SAP30BP: variants seen among roughly 807,000 people sequenced by gnomAD.
SAP30BP encodes the protein SAP30 binding protein.
In SAP30BP, 31 loss-of-function variants were observed where a neutral mutation model predicts 46.3. That is an observed-to-expected ratio of 0.67 (90% CI 0.50 to 0.90). The LOEUF is 0.90. SAP30BP is among the 40% of genes least tolerant of loss of function. SAP30BP has a pLI of 0.00. For synonymous variants in SAP30BP, 169 were observed against 144.2 expected (o/e 1.17, Z -1.23); for missense variants, 312 against 391.0 (o/e 0.80, Z 1.70).
intron 3 of SAP30BP, among the ~76,000 whole-genome samples, chr17:75,678,463 A>AACACACACACACACACAC (rs59943167): frequency 6.8e-6 from 1 of 147,534 alleles, no homozygotes; most frequent in Admixed American, 6.8e-5. Flanking sequence ...CACAATTTAA[A>AACACACACACACACACAC]ACACACACAC....
At chr17:75,670,066 G>C (rs2059885993) in intron 2 of SAP30BP, among the ~76,000 whole-genome samples, 1 of 152,176 alleles carries the variant, frequency 6.6e-6, no homozygotes. Flanking sequence ...GCTCATGCCT[G>C]TAATCCCAGC....
intron 9 of SAP30BP, 137 bp downstream of exon 9, chr17:75,704,951 G>A: frequency 1.4e-6 from 1 of 719,386 alleles, no homozygotes; most frequent in Non-Finnish European, 2.5e-6. Flanking sequence ...GAGCCTCTCA[G>A]CAGGGCCTGT....
In SAP30BP at chr17:75,704,634, A is replaced by G. The variant is rs1224118728; in HGVS notation, c.602-122A>G. ...GGGCTGGCTTCATTTTGCCAAGCAC[A>G]AAGAACACTGAGCCCATGAAGGCCT... is the stretch of plus-strand genomic sequence containing the variant. On this transcript the variant is annotated intron_variant, in intron 8 of 10. Coordinates refer to ENST00000584667, the MANE Select transcript of SAP30BP (RefSeq NM_013260.8). The G allele has an allele frequency of 3.3e-5, 26 of 778,182 alleles. No homozygotes were observed. The Admixed American group carries it at 3.4e-4, about 10-fold the overall frequency. The allele number at this position is 778,182 out of a possible 1,614,324, so 48.2% of individuals were successfully genotyped here.
At chr17:75,683,369 A>T (rs2060113150) in intron 3 of SAP30BP, among the ~76,000 whole-genome samples, 1 of 151,836 alleles carries the variant, frequency 6.6e-6, no homozygotes, top group Non-Finnish European at 1.5e-5. Flanking sequence ...AATAATAATA[A>T]TTTTTTAAAT....
At chr17:75,674,158 G>A (rs534071803) in intron 3 of SAP30BP, among the ~76,000 whole-genome samples, 1 of 152,178 alleles carries the variant, frequency 6.6e-6, no homozygotes, top group South Asian at 2.1e-4. Context: ...CCCAGCATGA[G>A]TCTTCTGTGA....
chr17:75,692,993 C>A (rs2060261911), intron 3 of SAP30BP: 1 of 154,772 alleles, frequency 6.5e-6, no homozygotes, highest in Admixed American at 6.5e-5. Context: ...CGGGAGTCTG[C>A]TGTTACAAAG....
At chr17:75,669,806 A>G (rs2059882541) in intron 2 of SAP30BP, among the ~76,000 whole-genome samples, 1 of 152,174 alleles carries the variant, frequency 6.6e-6, no homozygotes, top group African/African-American at 2.4e-5. Context: ...AACCTGTGCT[A>G]TTATTAACAA....
chr17:75,705,073 G>A (rs1411731219), intron 9 of SAP30BP: 7 of 471,874 alleles, frequency 1.5e-5, no homozygotes, highest in Non-Finnish European at 1.2e-5. Context: ...GAGCCTTGGG[G>A]GGCTTTGTCC....
At chr17:75,697,199 C>G (rs1203270094) in intron 4 of SAP30BP, among the ~76,000 whole-genome samples, 4 of 152,232 alleles carry the variant, frequency 2.6e-5, no homozygotes, top group Non-Finnish European at 2.9e-5. Context: ...CTTTGTCTCT[C>G]TGTCACAAGC....
rs1428608718 is a variant in SAP30BP at position 75,704,792 on chromosome 17, A to C, written c.638A>C (p.Lys213Thr). The C allele has an allele frequency of 3.1e-6, 5 of 1,613,552 alleles. No individual in the cohort carries two copies. The highest frequency in any genetic ancestry group is 4.2e-6 in the Non-Finnish European group (5 of 1,179,764). The change falls in exon 9 of 11, where the codon AAG (lysine) becomes ACG (threonine). Residue 213 changes from lysine to threonine, a missense_variant. Physicochemically the swap from Lys to Thr is moderately conservative, Grantham distance 78 (BLOSUM62 -1). Coordinates refer to ENST00000584667, the MANE Select transcript of SAP30BP (RefSeq NM_013260.8). ...AAAATTGAGATGGACAAATTGGAAA[A>C]GGCCAAAAAGGAGCGAACAAAAGTA... ...AQKIEMDKLE[K>T]AKKERTKIEF...
Position 75,707,866 on chromosome 17 carries a change from G to A in SAP30BP, c.*1345G>A, listed in dbSNP as rs1016473625. 7 of 152,238 alleles carry A rather than the reference G, an allele frequency of 4.6e-5. No individual in the cohort carries two copies. The highest frequency in any genetic ancestry group is 8.8e-5 in the Non-Finnish European group (6 of 68,076). 9.4% of individuals were successfully genotyped at this position (152,238 alleles called of 1,614,324 possible). A position where few individuals can be genotyped will look rare whatever the true frequency, so the allele number is the denominator to read the frequency against. ...GTTTTGTGGGAGGCAGCATGGCACC[G>A]TGGAAAGGGCAGTAGACGTGGAGCC... On this transcript the variant is annotated 3_prime_UTR_variant, in exon 11 of 11. Transcript: ENST00000584667.
chr17:75,705,047 C>G, intron 9 of SAP30BP: 1 of 516,360 alleles, frequency 1.9e-6, no homozygotes, highest in South Asian at 2.0e-5. Context: ...CCCCCCTTTC[C>G]TCCCCGCCAA....
chr17:75,694,593 A>G (rs1301220030), intron 4 of SAP30BP, among the ~76,000 whole-genome samples: 1 of 150,780 alleles, frequency 6.6e-6, no homozygotes, highest in Non-Finnish European at 1.5e-5. Flanking sequence ...CAGAGGAAGC[A>G]GAGTGTGCAT....
intron 3 of SAP30BP, 89 bp downstream of exon 3, chr17:75,671,952 C>G: frequency 1.9e-6 from 2 of 1,054,402 alleles, no homozygotes; most frequent in Non-Finnish European, 3.0e-6. Context: ...CAAGATCTGT[C>G]CCACTGACAA....
At chr17:75,704,651 T>G in intron 8 of SAP30BP, 105 bp from the exon 9 acceptor site, 1 of 856,750 alleles carries the variant, frequency 1.2e-6, no homozygotes, top group Non-Finnish European at 2.0e-6. Flanking sequence ...ACTGAGCCCA[T>G]GAAGGCCTTT....
chr17:75,682,759 C>G (rs752274946), intron 3 of SAP30BP, among the ~76,000 whole-genome samples: 1 of 150,228 alleles, frequency 6.7e-6, no homozygotes, highest in Non-Finnish European at 1.5e-5. Context: ...GTCAGGATAT[C>G]AAGACCATCC....
chr17:75,686,714 G>A (rs1212836922), intron 3 of SAP30BP, among the ~76,000 whole-genome samples: 1 of 152,094 alleles, frequency 6.6e-6, no homozygotes, highest in Non-Finnish European at 1.5e-5. Flanking sequence ...GCTCAGTCCT[G>A]GCCGACAGGA....
chr17:75,682,050 CAG>C (rs1053350393), intron 3 of SAP30BP, among the ~76,000 whole-genome samples: 5 of 151,722 alleles, frequency 3.3e-5, no homozygotes, highest in Non-Finnish European at 7.4e-5. Context: ...TTTTAATGGA[CAG>C]AGTTATTTTT....
At chr17:75,669,978 A>G (rs1408729926) in intron 2 of SAP30BP, among the ~76,000 whole-genome samples, 1 of 152,184 alleles carries the variant, frequency 6.6e-6, no homozygotes, top group African/African-American at 2.4e-5. Context: ...CACTTAAAAT[A>G]TATTATTTGT....
Sources: gnomAD v4.1 joint callset for allele counts (sites outside exome capture counted in the v4.1 genomes callset) on GRCh38, gnomAD v4.1.1 for gene constraint, MANE v1.5 for transcripts, NCBI Gene and HGNC (gene_info 2026-07-23, HGNC 2026-07-21) for gene names.